CTDSPL: variants seen among roughly 807,000 people sequenced by gnomAD.
CTDSPL encodes CTD small phosphatase-like protein.
Under a neutral mutation model 30.5 loss-of-function variants are expected in CTDSPL, and 8 were observed. That is an observed-to-expected ratio of 0.26 (90% CI 0.15 to 0.47). The LOEUF (loss-of-function observed/expected upper bound fraction) is 0.47, where lower values mean the gene tolerates loss of function less well. CTDSPL is among the 20% of genes least tolerant of loss of function. The pLI, the probability that CTDSPL is intolerant of heterozygous loss-of-function variation, is 0.99. For synonymous variants in CTDSPL, 110 were observed against 137.9 expected, an observed-to-expected ratio of 0.80 and a Z score of 1.42; for missense variants, 248 against 366.1, an observed-to-expected ratio of 0.68 and a Z score of 2.63.
intron 1 of CTDSPL, among the ~76,000 whole-genome samples, chr3:37,865,182 T>G (rs1697995104): frequency 6.6e-6 from 1 of 152,228 alleles, no homozygotes; most frequent in South Asian, 2.1e-4. Context: ...TTTGATTTGG[T>G]TGATAATGTC....
rs569498372 is a variant in CTDSPL at position 37,902,924 on chromosome 3, C to T, written c.79+40646C>T. Among the ~76,000 whole-genome samples the T allele has an allele frequency of 2.8e-4, 42 of 152,344 alleles. No individual in the cohort carries two copies. In the South Asian group the frequency reaches 8.3e-3, roughly 30 times the overall value. ...GTTTCAGATGCACAGTATTGCACAA[C>T]TCTAGGGGGCAACATCTACAGTGAA... On this transcript the variant is annotated intron_variant, in intron 1 of 7. Transcript: ENST00000273179.
chr3:37,947,048 T>C lies in CTDSPL; in HGVS notation c.80-9T>C, dbSNP rs1444550026. 9 of 1,612,108 alleles carry C rather than the reference T, an allele frequency of 5.6e-6. No homozygotes were observed. The Middle Eastern group carries it at 5.0e-4, about 90-fold the overall frequency. On this transcript the variant is annotated splice_polypyrimidine_tract_variant and intron_variant, in intron 1 of 7. Transcript: ENST00000273179. ...AGTTGGCCATAGTGTGCTCTGTTTC[T>C]GTTTCCAGCCTCCCAGTGCAACGTC...
At position 37,982,861 on chromosome 3, in the gene CTDSPL, G is replaced by T. The variant is rs534367073; in HGVS notation, c.*1994G>T. 1 of 351,506 alleles carries T rather than the reference G, an allele frequency of 2.8e-6. No individual in the cohort carries two copies. Among genetic ancestry groups the T allele is most frequent in the Non-Finnish European group, 5.6e-6 (1 of 177,272 alleles). 21.8% of individuals were successfully genotyped at this position (351,506 alleles called of 1,614,324 possible). ...TCTTGAATGTTGCAGTCAAGTGTCT[G>T]TCATGTGTTGATATCCACACAGAAT... On this transcript the variant is annotated 3_prime_UTR_variant, in exon 8 of 8. Transcript: ENST00000273179.
intron 1 of CTDSPL, among the ~76,000 whole-genome samples, chr3:37,946,846 T>C (rs1699044759): frequency 6.6e-6 from 1 of 152,156 alleles, no homozygotes. Context: ...GGGATTGGAC[T>C]CCATCAACTA....
chr3:37,968,973 G>A (rs1411978876), intron 5 of CTDSPL, among the ~76,000 whole-genome samples: 1 of 152,208 alleles, frequency 6.6e-6, no homozygotes, highest in African/African-American at 2.4e-5. Flanking sequence ...AACAGTCCCG[G>A]GGAGAGGCAG....
chr3:37,900,804 A>C (rs2125601022), intron 1 of CTDSPL, among the ~76,000 whole-genome samples: 1 of 152,038 alleles, frequency 6.6e-6, no homozygotes, highest in South Asian at 2.1e-4. Context: ...TTTTATTATT[A>C]TTATTATTTT....
intron 2 of CTDSPL, 78 bp downstream of exon 2, chr3:37,947,289 TAAG>T (rs1352567685): frequency 2.6e-6 from 4 of 1,514,756 alleles, no homozygotes; most frequent in African/African-American, 1.4e-5. Context: ...TGAATATCCT[TAAG>T]AAGAATATGC....
intron 1 of CTDSPL, among the ~76,000 whole-genome samples, chr3:37,939,207 T>C (rs1698950483): frequency 6.7e-6 from 1 of 150,370 alleles, no homozygotes; most frequent in Admixed American, 6.7e-5. Context: ...TTTTTTGTTA[T>C]GTTTGAAGCT....
intron 1 of CTDSPL, among the ~76,000 whole-genome samples, chr3:37,927,315 G>C (rs925402827): frequency 6.6e-6 from 1 of 152,072 alleles, no homozygotes; most frequent in Admixed American, 6.6e-5. Context: ...TAAACATATT[G>C]TGTAAAATTA....
At chr3:37,913,412 C>T (rs1418821123) in intron 1 of CTDSPL, among the ~76,000 whole-genome samples, 2 of 152,196 alleles carry the variant, frequency 1.3e-5, no homozygotes, top group Non-Finnish European at 2.9e-5. Context: ...CAGAGCAAGA[C>T]TCTGGCCATG....
intron 1 of CTDSPL, among the ~76,000 whole-genome samples, chr3:37,930,947 CA>C (rs1339503300): frequency 6.6e-6 from 1 of 152,106 alleles, no homozygotes; most frequent in Non-Finnish European, 1.5e-5. Context: ...TCTCTTGTGA[CA>C]GCTTTTTGAC....
intron 3 of CTDSPL, among the ~76,000 whole-genome samples, chr3:37,963,081 C>T (rs1699260749): frequency 6.6e-6 from 1 of 152,226 alleles, no homozygotes; most frequent in Non-Finnish European, 1.5e-5. Flanking sequence ...CCTCGAATTT[C>T]GTGCCTGTCT....
chr3:37,939,984 C>A (rs1449022348), intron 1 of CTDSPL, among the ~76,000 whole-genome samples: 1 of 149,908 alleles, frequency 6.7e-6, no homozygotes, highest in Non-Finnish European at 1.5e-5. Context: ...CCCAGCTACT[C>A]AGGAGGGTGA....
At chr3:37,974,594 A>G (rs1699404964) in intron 6 of CTDSPL, among the ~76,000 whole-genome samples, 2 of 152,182 alleles carry the variant, frequency 1.3e-5, no homozygotes, top group African/African-American at 2.4e-5. Context: ...ATCTTCAGTT[A>G]TGAGGATTTT....
intron 1 of CTDSPL, among the ~76,000 whole-genome samples, chr3:37,908,211 C>T (rs1272193960): frequency 2.0e-5 from 3 of 152,244 alleles, no homozygotes; most frequent in Non-Finnish European, 4.4e-5. Flanking sequence ...AAACTCACCA[C>T]CTGGTAGCCC....
intron 1 of CTDSPL, among the ~76,000 whole-genome samples, chr3:37,897,608 G>T (rs1289614345): frequency 6.6e-6 from 1 of 152,144 alleles, no homozygotes; most frequent in South Asian, 2.1e-4. Context: ...CCCAAACAAT[G>T]TATTGAACCA....
chr3:37,932,275 G>A (rs1049167641), intron 1 of CTDSPL, among the ~76,000 whole-genome samples: 1 of 152,170 alleles, frequency 6.6e-6, no homozygotes, highest in African/African-American at 2.4e-5. Context: ...GAGAATATAA[G>A]TGAATAGTAT....
chr3:37,956,441 A>T (rs1484207440), intron 2 of CTDSPL, among the ~76,000 whole-genome samples: 1 of 152,246 alleles, frequency 6.6e-6, no homozygotes, highest in Non-Finnish European at 1.5e-5. Flanking sequence ...ACAATGCTAT[A>T]ATGAAGTGTT....
rs184790411 is a variant in CTDSPL, at chr3:37,882,170, C to T, written c.79+19892C>T. Among the ~76,000 whole-genome samples, 361 of 151,848 alleles carry T rather than the reference C, an allele frequency of 2.4e-3. 3 individuals are homozygous for T. Among genetic ancestry groups the T allele is most frequent in the African/African-American group, 8.4e-3 (346 of 41,400 alleles). On this transcript the variant is annotated intron_variant, in intron 1 of 7. Transcript: ENST00000273179. ...TAAAAATACAAATATTGGCTGGGCA[C>T]GGTGGCTCACGCCTGTAATCCTAGC...
Sources: allele counts gnomAD v4.1 joint callset (sites outside exome capture counted in the v4.1 genomes callset), GRCh38; gene constraint gnomAD v4.1.1; transcripts MANE v1.5; gene names NCBI Gene and HGNC (gene_info 2026-07-23, HGNC 2026-07-21).